ZMIZ1: variants seen among roughly 807,000 people sequenced by gnomAD.
ZMIZ1 encodes the protein zinc finger MIZ-type containing 1, also known as zinc finger MIZ domain-containing protein 1.
In ZMIZ1, 17 loss-of-function variants were observed where a neutral mutation model predicts 113.9. That is an observed-to-expected ratio of 0.15 (90% CI 0.10 to 0.22). The LOEUF (loss-of-function observed/expected upper bound fraction) is 0.22, where lower values mean the gene tolerates loss of function less well. Ranked by LOEUF, ZMIZ1 falls within the 10% of genes least tolerant of loss-of-function variation. The pLI is 1.00. For missense variants in ZMIZ1, 1,059 were observed against 1,477.8 expected, an observed-to-expected ratio of 0.72 and a Z score of 4.65; for synonymous variants, 607 against 603.1, an observed-to-expected ratio of 1.01 and a Z score of -0.09.
intron 2 of ZMIZ1, among the ~76,000 whole-genome samples, chr10:79,128,571 A>G (rs1844618831): frequency 6.6e-6 from 1 of 151,920 alleles, no homozygotes; most frequent in Non-Finnish European, 1.5e-5. Flanking sequence ...TGTGTACATC[A>G]TGGGGCGTTC....
intron 3 of ZMIZ1, among the ~76,000 whole-genome samples, chr10:79,161,055 C>CAGTA (rs1475029528): frequency 2.0e-5 from 3 of 152,214 alleles, no homozygotes; most frequent in Non-Finnish European, 4.4e-5. Flanking sequence ...GCTCTGTGGG[C>CAGTA]AGTAGGGGGC....
chr10:79,307,544 A>T lies in ZMIZ1; in HGVS notation c.2808A>T (p.Lys936Asn), dbSNP rs1370430028. ...DMPNNMAALE[K>N]PLSHPMQETM... ...CCAACAACATGGCCGCCCTCGAGAA[A>T]CCCCTCAGCCACCCCATGCAGGAAA... The change falls in exon 23 of 25, where the codon AAA (lysine) becomes AAT (asparagine). Residue 936 changes from lysine to asparagine, a missense_variant. Physicochemically the swap from Lys to Asn is moderately conservative, Grantham distance 94 (BLOSUM62 0). Coordinates refer to ENST00000334512, the MANE Select transcript of ZMIZ1 (RefSeq NM_020338.4). The T allele has an allele frequency of 1.3e-6, 2 of 1,594,788 alleles. No homozygotes were observed. Among genetic ancestry groups the T allele is most frequent in the South Asian group, 2.2e-5 (2 of 90,430 alleles).
intron 7 of ZMIZ1, among the ~76,000 whole-genome samples, chr10:79,236,544 A>G (rs563442476): frequency 5.9e-5 from 9 of 152,222 alleles, no homozygotes; most frequent in African/African-American, 1.4e-4. Flanking sequence ...CCAGAAATCA[A>G]TGGGAAGAGA....
intron 5 of ZMIZ1, among the ~76,000 whole-genome samples, chr10:79,205,306 T>C (rs960139557): frequency 9.9e-5 from 15 of 152,198 alleles, no homozygotes; most frequent in Non-Finnish European, 1.9e-4. Context: ...TGCCCTGCCC[T>C]GGCCCCTCCC....
At chr10:79,194,721 A>T (rs1191220584) in intron 4 of ZMIZ1, among the ~76,000 whole-genome samples, 2 of 152,170 alleles carry the variant, frequency 1.3e-5, no homozygotes. Context: ...CTGCTGCATG[A>T]GGGCATGAGG....
At chr10:79,075,850 C>T (rs150083598) in intron 1 of ZMIZ1, among the ~76,000 whole-genome samples, 87 of 152,302 alleles carry the variant, frequency 5.7e-4, no homozygotes, top group African/African-American at 1.6e-3. Context: ...GCTCTTTCTT[C>T]GAAAGTTCTG....
chr10:79,162,025 ACCCGCTGACCT>A lies in ZMIZ1; in HGVS notation c.-130-24_-130-14del. The A allele has an allele frequency of 2.5e-6, 1 of 398,994 alleles. No homozygotes were observed. 24.7% of individuals were successfully genotyped at this position (398,994 alleles called of 1,614,324 possible). ...AGTGCCGGGCCTCTACTGTGGGTAGACCCGCTGACCTCCCACTTTCATTGCAGCAGGATGGA... is the reference window on the plus strand; with the variant it reads ...AGTGCCGGGCCTCTACTGTGGGTAGACCCACTTTCATTGCAGCAGGATGGA... On this transcript the variant is annotated splice_polypyrimidine_tract_variant and intron_variant, in intron 3 of 24. Transcript: ENST00000334512.
intron 3 of ZMIZ1, among the ~76,000 whole-genome samples, chr10:79,141,671 G>T (rs909948123): frequency 2.0e-5 from 3 of 152,198 alleles, no homozygotes; most frequent in Non-Finnish European, 4.4e-5. Flanking sequence ...GCCTCCCAAA[G>T]TTCTGGGATT....
intron 4 of ZMIZ1, among the ~76,000 whole-genome samples, chr10:79,173,723 C>T (rs1398162041): frequency 6.6e-6 from 1 of 152,170 alleles, no homozygotes; most frequent in African/African-American, 2.4e-5. Context: ...GCACTTACCC[C>T]AGTCATTTTA....
intron 7 of ZMIZ1, among the ~76,000 whole-genome samples, chr10:79,265,899 C>T (rs1017034802): frequency 3.9e-5 from 6 of 152,318 alleles, no homozygotes; most frequent in African/African-American, 7.2e-5. Flanking sequence ...CCTTGATCAA[C>T]GGAGCAGCCC....
At chr10:79,100,611 C>T (rs546060222) in intron 1 of ZMIZ1, among the ~76,000 whole-genome samples, 15 of 152,252 alleles carry the variant, frequency 9.9e-5, no homozygotes, top group Admixed American at 8.5e-4. Context: ...AGAGTGCTGT[C>T]CTCAGATCTG....
chr10:79,228,889 C>T (rs867520224), intron 7 of ZMIZ1, among the ~76,000 whole-genome samples: 1 of 152,338 alleles, frequency 6.6e-6, no homozygotes, highest in South Asian at 2.1e-4. Flanking sequence ...CTATATGTAT[C>T]CCCGGCCTCA....
intron 7 of ZMIZ1, among the ~76,000 whole-genome samples, chr10:79,230,165 C>G (rs1160489622): frequency 6.6e-6 from 1 of 151,968 alleles, no homozygotes; most frequent in African/African-American, 2.4e-5. Context: ...TCTCCCCGCC[C>G]CCCTTTCTCC....
At chr10:79,227,860 G>A (rs1291516403) in intron 7 of ZMIZ1, among the ~76,000 whole-genome samples, 1 of 152,184 alleles carries the variant, frequency 6.6e-6, no homozygotes, top group Non-Finnish European at 1.5e-5. Flanking sequence ...GTTTAGATGG[G>A]GCTAAGAATG....
chr10:79,267,143 G>C (rs1851656266), intron 7 of ZMIZ1, among the ~76,000 whole-genome samples: 1 of 152,232 alleles, frequency 6.6e-6, no homozygotes, highest in Non-Finnish European at 1.5e-5. Context: ...AGTCAGAAAT[G>C]AGTGCCTGTC....
chr10:79,070,377 C>G (rs1234619577), intron 1 of ZMIZ1, among the ~76,000 whole-genome samples: 1 of 152,216 alleles, frequency 6.6e-6, no homozygotes, highest in African/African-American at 2.4e-5. Flanking sequence ...CGGCCGCCTT[C>G]CCGGCCATTG....
chr10:79,179,881 G>T (rs1847041261), intron 4 of ZMIZ1, among the ~76,000 whole-genome samples: 1 of 152,162 alleles, frequency 6.6e-6, no homozygotes, highest in Non-Finnish European at 1.5e-5. Flanking sequence ...GGCACTCCAG[G>T]CAGGCAGGCC....
chr10:79,180,349 G>A (rs1353594002), intron 4 of ZMIZ1, among the ~76,000 whole-genome samples: 1 of 152,176 alleles, frequency 6.6e-6, no homozygotes, highest in Non-Finnish European at 1.5e-5. Flanking sequence ...TGTTGGCTGT[G>A]GGGGTGACCA....
At chr10:79,239,519 C>G (rs1335514466) in intron 7 of ZMIZ1, among the ~76,000 whole-genome samples, 2 of 152,198 alleles carry the variant, frequency 1.3e-5, no homozygotes, top group Non-Finnish European at 2.9e-5. Flanking sequence ...GATCCTTGCT[C>G]AGCCCTGCTG....
Sources: gnomAD v4.1 joint callset for allele counts (sites outside exome capture counted in the v4.1 genomes callset) on GRCh38, gnomAD v4.1.1 for gene constraint, MANE v1.5 for transcripts, NCBI Gene and HGNC (gene_info 2026-07-23, HGNC 2026-07-21) for gene names.